BCDIN3D: variants seen among roughly 807,000 people sequenced by gnomAD.
BCDIN3D encodes BCDIN3 domain containing RNA methyltransferase.
A neutral mutation model predicts 21.2 loss-of-function variants in BCDIN3D; 15 were observed. The observed-to-expected ratio is 0.71, with a 90% confidence interval of 0.47 to 1.09. The LOEUF (loss-of-function observed/expected upper bound fraction) is 1.09, where lower values mean the gene tolerates loss of function less well. BCDIN3D is among the 50% of genes least tolerant of loss of function. The pLI is 0.00. For synonymous variants in BCDIN3D, 127 were observed against 141.9 expected, an observed-to-expected ratio of 0.90 and a Z score of 0.75; for missense variants, 331 against 366.2, an observed-to-expected ratio of 0.90 and a Z score of 0.79.
chr12:49,842,664 A>G (rs561852775), intron 1 of BCDIN3D, 190 bp downstream of exon 1: 4 of 594,862 alleles, frequency 6.7e-6, no homozygotes, highest in African/African-American at 5.6e-5. Flanking sequence ...CTCCTCTCCA[A>G]GAGAGATTCC....
intron 1 of BCDIN3D, chr12:49,839,604 T>C (rs1281130339): frequency 1.3e-5 from 2 of 152,914 alleles, no homozygotes; most frequent in South Asian, 2.1e-4. Context: ...AAGTCACTGC[T>C]AACAACCTTC....
At position 49,838,199 on chromosome 12, in the gene BCDIN3D, C is replaced by T. The variant is rs1435718292; in HGVS notation, c.*172G>A. 1 of 657,850 alleles carries T rather than the reference C, an allele frequency of 1.5e-6. No homozygotes were observed. The highest frequency in any genetic ancestry group is 2.5e-6 in the Non-Finnish European group (1 of 392,354). 40.8% of individuals were successfully genotyped at this position (657,850 alleles called of 1,614,324 possible). On this transcript the variant is annotated 3_prime_UTR_variant, in exon 2 of 2. Transcript: ENST00000333924. The stretch of plus-strand genomic sequence containing the variant: ...AGATTCATTCTCCTCAAGATTTGTT[C>T]CAAACAATGGGGAACAGATACTGAT...
intron 1 of BCDIN3D, 107 bp downstream of exon 1, chr12:49,842,747 G>A (rs1946561808): frequency 9.7e-7 from 1 of 1,032,152 alleles, no homozygotes; most frequent in Non-Finnish European, 1.4e-6. Context: ...CTTTATACTC[G>A]TTTTGGGAAA....
At position 49,843,025 on chromosome 12, in the gene BCDIN3D, CGAT is replaced by C. The variant is rs773555258; in HGVS notation, c.60_62del (p.Ser21del). The stretch of plus-strand genomic sequence containing the variant: ...GGGCGGCGCCAGGTGCCAGAACTCG[CGAT>C]TCCTCTTCCGCTGCGGTCTCCTTAA... On this transcript the variant is annotated inframe_deletion, in exon 1 of 2. Transcript: ENST00000333924. 26 of 1,614,100 alleles carry C rather than the reference CGAT, an allele frequency of 1.6e-5. No individual in the cohort carries two copies. Among genetic ancestry groups the C allele is most frequent in the Non-Finnish European group, 2.1e-5 (25 of 1,180,038 alleles).
At chr12:49,842,195 C>A (rs144834052) in intron 1 of BCDIN3D, among the ~76,000 whole-genome samples, 2,274 of 152,296 alleles carry the variant, frequency 0.015, 61 homozygotes, top group African/African-American at 0.052. Context: ...ATTCTCCTGC[C>A]TCAGCCTCCG....
At position 49,842,946 on chromosome 12, in the gene BCDIN3D, G is replaced by T. The variant is rs758660777; in HGVS notation, c.142C>A (p.Arg48Ser). The T allele has an allele frequency of 1.2e-6, 2 of 1,614,200 alleles. No individual in the cohort carries two copies. The highest frequency in any genetic ancestry group is 3.3e-5 in the Admixed American group (2 of 60,024). The change falls in exon 1 of 2, where the codon CGC becomes AGC. Residue 48 changes from arginine (R) to serine (S), a missense_variant. Physicochemically the swap from Arg to Ser is moderately radical, Grantham distance 110 (BLOSUM62 -1). Coordinates refer to ENST00000333924, the MANE Select transcript of BCDIN3D (RefSeq NM_181708.3). ...CGAAGCAGCTCCGGGGGCAGGAGGCGGAGCCGTTGCTCCGGAGGGTGGAAG... is the reference window on the plus strand; with the variant it reads ...CGAAGCAGCTCCGGGGGCAGGAGGCTGAGCCGTTGCTCCGGAGGGTGGAAG... ...SRFHPPEQRL[R>S]LLPPELLRQL... is the part of the protein sequence containing the mutation.
Position 49,838,206 on chromosome 12 carries a change from A to G in BCDIN3D, c.*165T>C. 1 of 675,974 alleles carries G rather than the reference A, an allele frequency of 1.5e-6. No individual in the cohort carries two copies. Among genetic ancestry groups the G allele is most frequent in the Non-Finnish European group, 2.5e-6 (1 of 405,386 alleles). 41.9% of individuals were successfully genotyped at this position (675,974 alleles called of 1,614,324 possible). A position where few individuals can be genotyped will look rare whatever the true frequency, so the allele number is the denominator to read the frequency against. The stretch of plus-strand genomic sequence containing the variant: ...TTCTCCTCAAGATTTGTTCCAAACA[A>G]TGGGGAACAGATACTGATTCTTTCA... On this transcript the variant is annotated 3_prime_UTR_variant, in exon 2 of 2. Coordinates refer to ENST00000333924, the MANE Select transcript of BCDIN3D (RefSeq NM_181708.3).
At position 49,842,864 on chromosome 12, in the gene BCDIN3D, C is replaced by G. The variant is rs754995630; in HGVS notation, c.224G>C (p.Cys75Ser). The G allele has an allele frequency of 3.7e-6, 6 of 1,600,584 alleles. No homozygotes were observed. The East Asian group carries it at 1.3e-4, about 36-fold the overall frequency. The part of the protein sequence containing the change: ...NGPILGLDVG[C>S]NSGDLSVALY... The stretch of plus-strand genomic sequence containing the variant: ...TCCCCTGTCACTCACCCCGGAGTTA[C>G]ACCCCACGTCGAGCCCCAGAATCGG... Residue 75 changes from cysteine to serine, a missense_variant, in exon 1 of 2, where the codon TGT becomes TCT. Coordinates refer to ENST00000333924, the MANE Select transcript of BCDIN3D (RefSeq NM_181708.3).
In BCDIN3D at chr12:49,838,330, A is replaced by C; in HGVS notation, c.*41T>G. The C allele has an allele frequency of 6.4e-7, 1 of 1,556,920 alleles. No individual in the cohort carries two copies. The highest frequency in any genetic ancestry group is 8.6e-7 in the Non-Finnish European group (1 of 1,156,590). On this transcript the variant is annotated 3_prime_UTR_variant, in exon 2 of 2. Transcript: ENST00000333924. ...AGAATGAACATAATTCTCAATATAA[A>C]ACCCTTTCAATATCTTTCTTGGTCT...
chr12:49,839,057 C>CAGTG, intron 1 of BCDIN3D, 42 bp from the exon 2 acceptor site: 1 of 1,574,548 alleles, frequency 6.4e-7, no homozygotes, highest in Non-Finnish European at 8.6e-7. Context: ...AGTTCTCAAT[C>CAGTG]AGTGAATGGA....
rs1946518652 is a variant in BCDIN3D at position 49,837,625 on chromosome 12, C to T, written c.*746G>A. Reference sequence around the variant, plus strand: ...TGTTAAAACCATAGGGAAGAACTCACCCCAGGAAAAATACATAGAGAAGGA... The same window carrying T: ...TGTTAAAACCATAGGGAAGAACTCATCCCAGGAAAAATACATAGAGAAGGA... On this transcript the variant is annotated 3_prime_UTR_variant, in exon 2 of 2. Transcript: ENST00000333924. 1 of 152,026 alleles carries T rather than the reference C, an allele frequency of 6.6e-6. No homozygotes were observed. Among genetic ancestry groups the T allele is most frequent in the African/African-American group, 2.4e-5 (1 of 41,440 alleles). The allele number at this position is 152,026 out of a possible 1,614,324, so 9.4% of individuals were successfully genotyped here.
At position 49,837,022 on chromosome 12, in the gene BCDIN3D, C is replaced by T. The variant is rs975859781; in HGVS notation, c.*1349G>A. 6.6e-6 allele frequency: 1 copy of T among 152,176 alleles called. No individual in the cohort carries two copies. The highest frequency in any genetic ancestry group is 1.5e-5 in the Non-Finnish European group (1 of 68,036). 9.4% of individuals were successfully genotyped at this position (152,176 alleles called of 1,614,324 possible). A position where few individuals can be genotyped will look rare whatever the true frequency, so the allele number is the denominator to read the frequency against. Reference sequence around the variant, plus strand: ...GTAATTGATAGAATTTGCTGCTGGACTTTGAGAGCATTTCAATGTGGGGGA... The same window carrying T: ...GTAATTGATAGAATTTGCTGCTGGATTTTGAGAGCATTTCAATGTGGGGGA... On this transcript the variant is annotated 3_prime_UTR_variant, in exon 2 of 2. Coordinates refer to ENST00000333924, the MANE Select transcript of BCDIN3D (RefSeq NM_181708.3).
intron 1 of BCDIN3D, chr12:49,842,653 A>T (rs1488551520): frequency 1.8e-5 from 10 of 556,440 alleles, no homozygotes; most frequent in Middle Eastern, 5.4e-4. Flanking sequence ...GTCGACAAGG[A>T]CTCCTCTCCA....
intron 1 of BCDIN3D, 34 bp from the exon 2 acceptor site, chr12:49,839,049 T>TGAGAAC (rs1428192498): frequency 1.3e-6 from 2 of 1,583,522 alleles, no homozygotes; most frequent in Non-Finnish European, 1.7e-6. Context: ...GTCACTGCAG[T>TGAGAAC]TCTCAATCAG....
At position 49,842,893 on chromosome 12, in the gene BCDIN3D, G is replaced by T; in HGVS notation, c.195C>A (p.Asn65Lys). 1 of 1,612,806 alleles carries T rather than the reference G, an allele frequency of 6.2e-7. No individual in the cohort carries two copies. Among genetic ancestry groups the T allele is most frequent in the South Asian group, 1.1e-5 (1 of 90,992 alleles). Residue 65 changes from asparagine (N) to lysine (K), a missense_variant, in exon 1 of 2, where the codon AAC becomes AAA. Physicochemically the swap from Asn to Lys is moderately conservative, Grantham distance 94. Coordinates refer to ENST00000333924, the MANE Select transcript of BCDIN3D (RefSeq NM_181708.3). Reference protein sequence around the residue: ...LRQLFPESPENGPILGLDVGC... With the variant: ...LRQLFPESPEKGPILGLDVGC... The stretch of plus-strand genomic sequence containing the variant: ...CCACGTCGAGCCCCAGAATCGGCCC[G>T]TTCTCGGGACTCTCAGGAAAGAGCT...
In BCDIN3D at chr12:49,836,615, C is replaced by T. The variant is rs910174890; in HGVS notation, c.*1756G>A. ...ATATCCCTCCCTCCCAACACTGCTT[C>T]CTTTAAAATGCTCTGTAGCACTGAA... On this transcript the variant is annotated 3_prime_UTR_variant, in exon 2 of 2. Transcript: ENST00000333924. 2 of 152,246 alleles carry T rather than the reference C, an allele frequency of 1.3e-5. No homozygotes were observed. Among genetic ancestry groups the T allele is most frequent in the African/African-American group, 4.8e-5 (2 of 41,456 alleles). 9.4% of individuals were successfully genotyped at this position (152,246 alleles called of 1,614,324 possible).
In BCDIN3D at chr12:49,837,838, C is replaced by A. The variant is rs527685568; in HGVS notation, c.*533G>T. ...CAATTTTTGATGGGATTTCCACGTT[C>A]TGAAAAACTGTACTTAAAAACGGTT... On this transcript the variant is annotated 3_prime_UTR_variant, in exon 2 of 2. Coordinates refer to ENST00000333924, the MANE Select transcript of BCDIN3D (RefSeq NM_181708.3). The A allele has an allele frequency of 2.0e-5, 3 of 152,164 alleles. No homozygotes were observed. The South Asian group carries it at 6.2e-4, about 32-fold the overall frequency. The allele number at this position is 152,164 out of a possible 1,614,324, so 9.4% of individuals were successfully genotyped here.
intron 1 of BCDIN3D, chr12:49,841,187 G>A (rs1212535982): frequency 1.3e-5 from 2 of 152,134 alleles, no homozygotes; most frequent in Non-Finnish European, 2.9e-5. Context: ...AAAACTAAAA[G>A]GGGGGTACTT....
Position 49,842,656 on chromosome 12 carries a change from C to A in BCDIN3D, c.234+198G>T. ...AGTGGGAACGTAGTCGACAAGGACT[C>A]CTCTCCAAGAGAGATTCCTAAGACA... On this transcript the variant is annotated intron_variant, in intron 1 of 1. Transcript: ENST00000333924. 3 of 562,776 alleles carry A rather than the reference C, an allele frequency of 5.3e-6. No homozygotes were observed. In the East Asian group the frequency reaches 9.4e-5, roughly 18 times the overall value. The allele number at this position is 562,776 out of a possible 1,614,324, so 34.9% of individuals were successfully genotyped here. A position where few individuals can be genotyped will look rare whatever the true frequency, so the allele number is the denominator to read the frequency against.
Sources: allele counts gnomAD v4.1 joint callset (sites outside exome capture counted in the v4.1 genomes callset), GRCh38; gene constraint gnomAD v4.1.1; transcripts MANE v1.5; gene names NCBI Gene and HGNC (gene_info 2026-07-23, HGNC 2026-07-21).